The following ADAMTS16 variants were observed in gnomAD, a reference collection of about 807,000 sequenced individuals.
ADAMTS16 encodes the protein A disintegrin and metalloproteinase with thrombospondin motifs 16.
A neutral mutation model predicts 145.8 loss-of-function variants in ADAMTS16; 94 were observed. That is an observed-to-expected ratio of 0.64 (90% CI 0.55 to 0.77). The LOEUF is 0.77. Ranked by LOEUF, ADAMTS16 falls within the 30% of genes least tolerant of loss-of-function variation. The pLI is 0.00. For missense variants in ADAMTS16, 1,585 were observed against 1,591.5 expected, an observed-to-expected ratio of 1.00 and a Z score of 0.07; for synonymous variants, 659 against 604.3, an observed-to-expected ratio of 1.09 and a Z score of -1.33.
intron 4 of ADAMTS16, among the ~76,000 whole-genome samples, chr5:5,183,298 T>C (rs1339045930): frequency 6.6e-6 from 1 of 152,098 alleles, no homozygotes; most frequent in Admixed American, 6.5e-5. Flanking sequence ...CTGAGAGAGT[T>C]GGGAATCCTG....
intron 14 of ADAMTS16, 73 bp from the exon 15 acceptor site, chr5:5,239,078 C>T (rs1737202503): frequency 1.5e-6 from 2 of 1,370,172 alleles, no homozygotes. Context: ...AGGTTTCTTG[C>T]ATGAGATTGG....
At chr5:5,215,819 A>ATG (rs1419170289) in intron 10 of ADAMTS16, among the ~76,000 whole-genome samples, 1 of 126,530 alleles carries the variant, frequency 7.9e-6, no homozygotes, top group Admixed American at 8.8e-5. Context: ...TGGTATATAT[A>ATG]TGTGGTATAT....
At chr5:5,147,388 T>G (rs1734331676) in intron 3 of ADAMTS16, among the ~76,000 whole-genome samples, 1 of 152,196 alleles carries the variant, frequency 6.6e-6, no homozygotes, top group South Asian at 2.1e-4. Context: ...TTTCATTCCC[T>G]CTTTGAGGAG....
At position 5,186,269 on chromosome 5, in the gene ADAMTS16, G is replaced by T. The variant is rs1363800550; in HGVS notation, c.963+18G>T. The T allele has an allele frequency of 6.2e-7, 1 of 1,609,490 alleles. No homozygotes were observed. Among genetic ancestry groups the T allele is most frequent in the Admixed American group, 1.7e-5 (1 of 59,852 alleles). ...TCAACATGGTAGGATCATCCTTCCA[G>T]TTGAGGCCACCTGTGTCATTGCACT... On this transcript the variant is annotated intron_variant, in intron 5 of 22. Transcript: ENST00000274181.
At chr5:5,173,475 T>A (rs1258097574) in intron 3 of ADAMTS16, among the ~76,000 whole-genome samples, 3 of 147,350 alleles carry the variant, frequency 2.0e-5, no homozygotes, top group African/African-American at 7.4e-5. Flanking sequence ...AACTCATTAC[T>A]TTTTTTTTTT....
intron 3 of ADAMTS16, among the ~76,000 whole-genome samples, chr5:5,177,771 G>C (rs11738451): frequency 0.04 from 6,159 of 152,184 alleles, 182 homozygotes; most frequent in Admixed American, 0.081. Flanking sequence ...AGATGGAGGA[G>C]AGTAAAAATG....
intron 18 of ADAMTS16, among the ~76,000 whole-genome samples, chr5:5,266,185 A>G (rs2913666): frequency 0.28 from 42,621 of 152,080 alleles, 6,045 homozygotes; most frequent in East Asian, 0.37. Flanking sequence ...CAGTCTAGTC[A>G]GCCCTGGTCT....
intron 18 of ADAMTS16, among the ~76,000 whole-genome samples, chr5:5,274,667 T>C (rs1307429452): frequency 1.3e-5 from 2 of 150,916 alleles, no homozygotes; most frequent in Non-Finnish European, 1.5e-5. Flanking sequence ...TGCATGTGTG[T>C]ATATGTGTAT....
At chr5:5,237,694 G>T (rs1991459) in intron 14 of ADAMTS16, among the ~76,000 whole-genome samples, 94,303 of 151,762 alleles carry the variant, frequency 0.62, 29,438 homozygotes, top group East Asian at 0.84. Context: ...TGAAGCAGGG[G>T]TGGGTGAGAG....
chr5:5,182,399 C>T, intron 4 of ADAMTS16, 94 bp downstream of exon 4: 8 of 1,484,558 alleles, frequency 5.4e-6, no homozygotes, highest in Non-Finnish European at 7.3e-6. Context: ...CATGTCTGCC[C>T]ACGGGGTGAA....
rs764397980 is a variant in ADAMTS16 at position 5,250,736 on chromosome 5, T to TGTGTGTGC, written c.2662+8546_2662+8547insTGTGTGCG. Among the ~76,000 whole-genome samples, 22 of 141,922 alleles carry TGTGTGTGC rather than the reference T, an allele frequency of 1.6e-4. No homozygotes were observed. The South Asian group carries it at 3.6e-3, about 23-fold the overall frequency. The allele number at this position is 141,922 out of a possible 152,430, so 93.1% of individuals were successfully genotyped here. The stretch of plus-strand genomic sequence containing the variant: ...GTGTGTGTGTGTGTGTGTGTGTGTG[T>TGTGTGTGC]GCGCGCACTCCTGGAGAGGCACAGA... On this transcript the variant is annotated intron_variant, in intron 17 of 22. Transcript: ENST00000274181.
intron 3 of ADAMTS16, among the ~76,000 whole-genome samples, chr5:5,177,603 A>T (rs1735235299): frequency 6.6e-6 from 1 of 152,168 alleles, no homozygotes; most frequent in South Asian, 2.1e-4. Context: ...TTTGGTGTAG[A>T]TTCATATTTG....
At position 5,222,892 on chromosome 5, in the gene ADAMTS16, G is replaced by A. The variant is rs1736647006; in HGVS notation, c.1701+8G>A. The A allele has an allele frequency of 1.9e-6, 3 of 1,613,198 alleles. No individual in the cohort carries two copies. The highest frequency in any genetic ancestry group is 2.5e-6 in the Non-Finnish European group (3 of 1,179,274). On this transcript the variant is annotated splice_region_variant and intron_variant, in intron 11 of 22. Transcript: ENST00000274181. ...ATTTGTGGGCATGACATGGTAAGAA[G>A]CTAACTGTAGGTACAGCATCGTATT...
At chr5:5,294,796 C>T (rs931036882) in intron 18 of ADAMTS16, among the ~76,000 whole-genome samples, 9 of 152,050 alleles carry the variant, frequency 5.9e-5, no homozygotes, top group African/African-American at 1.5e-4. Flanking sequence ...CATCCCACTT[C>T]TAGGATGACA....
At position 5,200,268 on chromosome 5, in the gene ADAMTS16, A is replaced by T; in HGVS notation, c.1450A>T (p.Ser484Cys). The T allele has an allele frequency of 6.2e-7, 1 of 1,613,912 alleles. No homozygotes were observed. The highest frequency in any genetic ancestry group is 2.2e-5 in the East Asian group (1 of 44,870). ...CCGCCAGTATCTACACAAATTTCTA[A>T]GGTAGGAACTCTTTAAGCTGGTCTT... ...CSRQYLHKFL[S>C]TAQAICLADQ... Residue 484 changes from serine (S) to cysteine (C), a missense_variant and splice_region_variant, in exon 9 of 23, where the codon AGC becomes TGC. Ser to Cys is a moderately radical substitution (Grantham distance 112, BLOSUM62 -1). Coordinates refer to ENST00000274181, the MANE Select transcript of ADAMTS16 (RefSeq NM_139056.4).
At chr5:5,297,081 T>A (rs1043780972) in intron 18 of ADAMTS16, among the ~76,000 whole-genome samples, 1 of 152,196 alleles carries the variant, frequency 6.6e-6, no homozygotes, top group Non-Finnish European at 1.5e-5. Context: ...CAGTAAAATG[T>A]GCATCACCTT....
chr5:5,186,032 C>T lies in ADAMTS16; in HGVS notation c.764-20C>T. 1 of 1,598,942 alleles carries T rather than the reference C, an allele frequency of 6.3e-7. No individual in the cohort carries two copies. The highest frequency in any genetic ancestry group is 8.5e-7 in the Non-Finnish European group (1 of 1,170,380). On this transcript the variant is annotated intron_variant, in intron 4 of 22. Transcript: ENST00000274181. ...TGTGTGACTTGTGCTTCCATTTGCC[C>T]TCCATGTGTCCCTCCATAGACATGC...
At chr5:5,167,877 T>C (rs894532986) in intron 3 of ADAMTS16, among the ~76,000 whole-genome samples, 1 of 152,266 alleles carries the variant, frequency 6.6e-6, no homozygotes, top group Non-Finnish European at 1.5e-5. Flanking sequence ...TATTTAAACT[T>C]AAATTTGAAT....
intron 3 of ADAMTS16, among the ~76,000 whole-genome samples, chr5:5,154,074 G>A (rs2126516192): frequency 6.6e-6 from 1 of 152,270 alleles, no homozygotes; most frequent in Admixed American, 6.5e-5. Context: ...GAAACTGTCT[G>A]AAATGCTGCC....
Sources: gnomAD v4.1 joint callset for allele counts (sites outside exome capture counted in the v4.1 genomes callset) on GRCh38, gnomAD v4.1.1 for gene constraint, MANE v1.5 for transcripts, NCBI Gene and HGNC (gene_info 2026-07-23, HGNC 2026-07-21) for gene names.